The following ADAMTS19 variants were observed in gnomAD, a reference collection of about 807,000 sequenced individuals.
ADAMTS19 encodes ADAM metallopeptidase with thrombospondin type 1 motif 19.
A neutral mutation model predicts 153.3 loss-of-function variants in ADAMTS19; 93 were observed. The ratio of observed to expected loss-of-function variants is 0.61; its 90% CI spans 0.51 to 0.72. ADAMTS19 has a LOEUF of 0.72. ADAMTS19 is among the 30% of genes least tolerant of loss of function. The pLI, the probability that ADAMTS19 is intolerant of heterozygous loss-of-function variation, is 0.00. For missense variants in ADAMTS19, 1,482 were observed against 1,552.1 expected, an observed-to-expected ratio of 0.95 and a Z score of 0.76; for synonymous variants, 600 against 556.6, an observed-to-expected ratio of 1.08 and a Z score of -1.10.
At chr5:129,466,647 T>C (rs149096403) in intron 2 of ADAMTS19, among the ~76,000 whole-genome samples, 1 of 152,230 alleles carries the variant, frequency 6.6e-6, no homozygotes, top group East Asian at 1.9e-4. Context: ...AATAATAAAA[T>C]AGTTGTAAGC....
rs534770697 is a variant in ADAMTS19, at chr5:129,634,140, C to T, written c.1771-7719C>T. On this transcript the variant is annotated intron_variant, in intron 10 of 22. Transcript: ENST00000274487. ...TGAACTAACCTTGTGCCAGTGTTTT[C>T]GGTTTCCCTCAAAAGTGTGCCTGCT... Among the ~76,000 whole-genome samples the T allele has an allele frequency of 1.1e-3, 173 of 152,216 alleles. 1 individual carries two copies. Among genetic ancestry groups the T allele is most frequent in the African/African-American group, 3.7e-3 (154 of 41,556 alleles).
chr5:129,665,565 C>T lies in ADAMTS19; in HGVS notation c.2492C>T (p.Ala831Val). Reference protein sequence around the residue: ...RRIKVVEEKPAHSYLALRDAG... With the variant: ...RRIKVVEEKPVHSYLALRDAG... ...ATCAAAGTTGTGGAGGAAAAGCCGG[C>T]ACATAGCTATTTAGGTAACCTGTGT... Residue 831 changes from alanine to valine, a missense_variant, in exon 16 of 23, where the codon GCA becomes GTA. This residue lies in a region of ADAMTS19 where 616 missense variants were observed against 724.4 expected (regional missense o/e 0.85). Coordinates refer to ENST00000274487, the MANE Select transcript of ADAMTS19 (RefSeq NM_133638.6). The T allele has an allele frequency of 1.2e-6, 2 of 1,609,822 alleles. No individual in the cohort carries two copies. Among genetic ancestry groups the T allele is most frequent in the Non-Finnish European group, 1.7e-6 (2 of 1,177,260 alleles).
intron 11 of ADAMTS19, among the ~76,000 whole-genome samples, chr5:129,646,120 C>G (rs1189078744): frequency 6.6e-6 from 1 of 151,254 alleles, no homozygotes; most frequent in Non-Finnish European, 1.5e-5. Context: ...GATCTCCTGA[C>G]CTCGTGATCC....
At chr5:129,538,404 C>T (rs567462552) in intron 6 of ADAMTS19, among the ~76,000 whole-genome samples, 2 of 152,016 alleles carry the variant, frequency 1.3e-5, no homozygotes, top group South Asian at 4.2e-4. Context: ...TAATTTTATT[C>T]CTTATTTCCA....
chr5:129,510,765 A>G (rs543632093), intron 3 of ADAMTS19, among the ~76,000 whole-genome samples: 1 of 151,618 alleles, frequency 6.6e-6, no homozygotes, highest in Admixed American at 6.6e-5. Context: ...ATGCATAGAG[A>G]AAAGGTTTCT....
chr5:129,671,226 C>A (rs540352526), intron 16 of ADAMTS19, among the ~76,000 whole-genome samples: 1 of 151,904 alleles, frequency 6.6e-6, no homozygotes, highest in African/African-American at 2.4e-5. Context: ...TAGGAAACAC[C>A]CAGTAGCTTC....
chr5:129,617,482 G>T lies in ADAMTS19; in HGVS notation c.1479-3136G>T, dbSNP rs148583508. ...TTCCCTCATTGGGACACATTATTTA[G>T]GAAGGTTTATTATTTTTGAGAAAGA... On this transcript the variant is annotated intron_variant, in intron 8 of 22. Coordinates refer to ENST00000274487, the MANE Select transcript of ADAMTS19 (RefSeq NM_133638.6). 4.5e-4 allele frequency among the ~76,000 whole-genome samples: 68 copies of T among 152,156 alleles called. 1 individual carries two copies. Among genetic ancestry groups the T allele is most frequent in the African/African-American group, 1.6e-3 (67 of 41,536 alleles).
At chr5:129,579,004 G>A (rs1749355623) in intron 7 of ADAMTS19, among the ~76,000 whole-genome samples, 1 of 152,126 alleles carries the variant, frequency 6.6e-6, no homozygotes, top group Non-Finnish European at 1.5e-5. Context: ...CTAGATCCTT[G>A]AGGAATTGCC....
chr5:129,668,746 T>G (rs1754165818), intron 16 of ADAMTS19, among the ~76,000 whole-genome samples: 1 of 152,156 alleles, frequency 6.6e-6, no homozygotes, highest in Non-Finnish European at 1.5e-5. Context: ...CTCAATAACA[T>G]ATTTTTTATT....
intron 21 of ADAMTS19, among the ~76,000 whole-genome samples, chr5:129,730,911 G>C (rs1028054270): frequency 6.6e-6 from 1 of 150,620 alleles, no homozygotes; most frequent in African/African-American, 2.5e-5. Context: ...AGCTGGATTT[G>C]AGATAGTGTT....
intron 6 of ADAMTS19, among the ~76,000 whole-genome samples, chr5:129,529,781 G>C (rs548318400): frequency 2.6e-5 from 4 of 152,246 alleles, no homozygotes; most frequent in South Asian, 4.1e-4. Context: ...GTGAGAACTT[G>C]GCAAGGGCTG....
chr5:129,579,818 A>G (rs1193929039), intron 7 of ADAMTS19, among the ~76,000 whole-genome samples: 1 of 152,078 alleles, frequency 6.6e-6, no homozygotes, highest in African/African-American at 2.4e-5. Flanking sequence ...TACCAGTACC[A>G]TGCTGTTTTG....
At chr5:129,537,196 C>T (rs1581055476) in intron 6 of ADAMTS19, among the ~76,000 whole-genome samples, 1 of 152,068 alleles carries the variant, frequency 6.6e-6, no homozygotes, top group African/African-American at 2.4e-5. Context: ...CGCTGGCCAT[C>T]AGAGAAATGC....
At position 129,587,334 on chromosome 5, in the gene ADAMTS19, CT is replaced by C. The variant is rs145292239; in HGVS notation, c.1373-9213del. The stretch of plus-strand genomic sequence containing the variant: ...TTTTGTCTAACTTTTACTCGATGTT[CT>C]TTTTTTTTTTTAAATCTCATCTGCT... On this transcript the variant is annotated intron_variant, in intron 7 of 22. Transcript: ENST00000274487. Among the ~76,000 whole-genome samples, 1,289 of 143,738 alleles carry C rather than the reference CT, an allele frequency of 9.0e-3. 11 individuals carry two copies. The highest frequency in any genetic ancestry group is 0.027 in the African/African-American group (1,058 of 39,506). The allele number at this position is 143,738 out of a possible 152,430, so 94.3% of individuals were successfully genotyped here. A position where few individuals can be genotyped will look rare whatever the true frequency, so the allele number is the denominator to read the frequency against.
chr5:129,601,265 G>T (rs1337761294), intron 8 of ADAMTS19, among the ~76,000 whole-genome samples: 1 of 152,064 alleles, frequency 6.6e-6, no homozygotes, highest in East Asian at 1.9e-4. Context: ...ATATAATTGG[G>T]ATCTTCATAA....
intron 8 of ADAMTS19, among the ~76,000 whole-genome samples, chr5:129,605,624 A>G (rs1014025927): frequency 6.6e-6 from 1 of 152,154 alleles, no homozygotes; most frequent in Non-Finnish European, 1.5e-5. Flanking sequence ...TCTCTACCCT[A>G]TGTCTCTTTC....
intron 3 of ADAMTS19, among the ~76,000 whole-genome samples, chr5:129,509,775 G>T (rs1751378009): frequency 6.6e-6 from 1 of 151,854 alleles, no homozygotes; most frequent in African/African-American, 2.4e-5. Flanking sequence ...CTTAAGTCTG[G>T]AACTTTTCAG....
At chr5:129,635,142 A>C (rs1319308626) in intron 10 of ADAMTS19, among the ~76,000 whole-genome samples, 2 of 152,220 alleles carry the variant, frequency 1.3e-5, no homozygotes, top group Non-Finnish European at 2.9e-5. Context: ...GAAGACATAC[A>C]TGCAGCCAAC....
chr5:129,648,114 G>T lies in ADAMTS19; in HGVS notation c.2003+219G>T, dbSNP rs78119941. ...GAATAAGTAATGAAAGCTATAAAAG[G>T]TTATTTCTTGAGTAAATCTATAAAA... On this transcript the variant is annotated intron_variant, in intron 12 of 22. Coordinates refer to ENST00000274487, the MANE Select transcript of ADAMTS19 (RefSeq NM_133638.6). Among the ~76,000 whole-genome samples, 673 of 152,178 alleles carry T rather than the reference G, an allele frequency of 4.4e-3. 5 individuals carry two copies. Among genetic ancestry groups the T allele is most frequent in the East Asian group, 0.025 (131 of 5,188 alleles).
Sources: allele counts gnomAD v4.1 joint callset (sites outside exome capture counted in the v4.1 genomes callset), GRCh38; gene constraint gnomAD v4.1.1; regional missense constraint gnomAD v4.1.1; transcripts MANE v1.5; gene names NCBI Gene and HGNC (gene_info 2026-07-23, HGNC 2026-07-21).